The following NRXN3 variants were observed in gnomAD, a reference collection of about 807,000 sequenced individuals.
NRXN3 encodes the protein neurexin 3.
A neutral mutation model predicts 137.6 loss-of-function variants in NRXN3; 32 were observed. That is an observed-to-expected ratio of 0.23 (90% CI 0.18 to 0.31). The LOEUF is 0.31. Ranked by LOEUF, NRXN3 falls within the 10% of genes least tolerant of loss-of-function variation. The probability of loss-of-function intolerance (pLI) is 1.00; values close to 1 mark genes in which losing one functional copy is unlikely to be tolerated. For missense variants in NRXN3, 1,574 were observed against 2,062.5 expected (o/e 0.76, Z 4.59); for synonymous variants, 798 against 784.5 (o/e 1.02, Z -0.29).
chr14:79,157,102 G>C (rs2060320379), intron 15 of NRXN3, among the ~76,000 whole-genome samples: 1 of 151,790 alleles, frequency 6.6e-6, no homozygotes, highest in Admixed American at 6.6e-5. Context: ...TGGTGGTCAT[G>C]TTATTGTTGT....
chr14:79,426,189 CA>C (rs2153541734), intron 15 of NRXN3, among the ~76,000 whole-genome samples: 1 of 152,248 alleles, frequency 6.6e-6, no homozygotes, highest in East Asian at 1.9e-4. Flanking sequence ...ACAGTAGATG[CA>C]GCTGACAGTA....
At position 79,867,017 on chromosome 14, in the gene NRXN3, G is replaced by A. The variant is rs967425756; in HGVS notation, c.*5053G>A. ...CTGCCATTAATAATACAACTTTATA[G>A]CTTTACTATTTTTTCTTTTATTGTT... On this transcript the variant is annotated 3_prime_UTR_variant, in exon 21 of 21. Transcript: ENST00000335750. The A allele has an allele frequency of 2.6e-5, 4 of 152,172 alleles. No individual in the cohort carries two copies. The highest frequency in any genetic ancestry group is 1.3e-4 in the Admixed American group (2 of 15,274). The allele number at this position is 152,172 out of a possible 1,614,324, so 9.4% of individuals were successfully genotyped here.
chr14:79,192,405 G>A (rs545173583), intron 15 of NRXN3, among the ~76,000 whole-genome samples: 2 of 152,148 alleles, frequency 1.3e-5, no homozygotes, highest in South Asian at 4.1e-4. Flanking sequence ...ACCATCAGGA[G>A]GTGTAGGTAA....
At chr14:78,291,287 A>G (rs1329787767) in intron 3 of NRXN3, among the ~76,000 whole-genome samples, 1 of 152,202 alleles carries the variant, frequency 6.6e-6, no homozygotes, top group African/African-American at 2.4e-5. Context: ...TGTAAAATTA[A>G]TGGTATAGCA....
intron 4 of NRXN3, chr14:78,403,708 T>C: frequency 1.0e-6 from 1 of 985,132 alleles, no homozygotes; most frequent in Non-Finnish European, 1.2e-6. Flanking sequence ...CTGCACACTG[T>C]TGTAGGTGTT....
At chr14:78,595,909 A>G (rs547839319) in intron 4 of NRXN3, among the ~76,000 whole-genome samples, 1 of 152,310 alleles carries the variant, frequency 6.6e-6, no homozygotes, top group East Asian at 1.9e-4. Flanking sequence ...GGGTTAAACC[A>G]ACAGCAATTT....
intron 19 of NRXN3, among the ~76,000 whole-genome samples, chr14:79,754,531 T>G (rs1434424254): frequency 3.5e-5 from 3 of 86,688 alleles, no homozygotes; most frequent in East Asian, 6.4e-4. Context: ...TATATATATA[T>G]ATATATATAT....
chr14:78,316,561 G>A (rs573964646), intron 4 of NRXN3, among the ~76,000 whole-genome samples: 59 of 152,260 alleles, frequency 3.9e-4, no homozygotes, highest in Non-Finnish European at 7.1e-4. Flanking sequence ...GGAGGAGAAG[G>A]GAGCTGGGAG....
At chr14:78,289,480 TC>T (rs2075560303) in intron 3 of NRXN3, among the ~76,000 whole-genome samples, 1 of 152,198 alleles carries the variant, frequency 6.6e-6, no homozygotes, top group Non-Finnish European at 1.5e-5. Context: ...GGGAGGACTT[TC>T]TGGTAATTAT....
chr14:78,552,089 A>G (rs1261890051), intron 4 of NRXN3, among the ~76,000 whole-genome samples: 1 of 152,090 alleles, frequency 6.6e-6, no homozygotes, highest in Non-Finnish European at 1.5e-5. Flanking sequence ...GTGCCAGAAT[A>G]TATTTATTTT....
intron 16 of NRXN3, among the ~76,000 whole-genome samples, chr14:79,648,732 C>T (rs60325722): frequency 0.034 from 5,109 of 152,062 alleles, 266 homozygotes; most frequent in African/African-American, 0.12. Flanking sequence ...GGAGATGAGG[C>T]CAGTATGCAA....
At chr14:79,494,819 T>G (rs182421977) in intron 16 of NRXN3, among the ~76,000 whole-genome samples, 2 of 152,288 alleles carry the variant, frequency 1.3e-5, no homozygotes, top group East Asian at 3.9e-4. Context: ...TACAATACAA[T>G]TTGCTCAGAT....
chr14:79,658,753 T>C (rs2098518746), intron 16 of NRXN3, among the ~76,000 whole-genome samples: 1 of 152,186 alleles, frequency 6.6e-6, no homozygotes, highest in Admixed American at 6.5e-5. Flanking sequence ...TTGCCTTCCT[T>C]GTGTTCTTGC....
chr14:78,965,880 A>G (rs1018914119), intron 11 of NRXN3, 145 bp from the exon 12 acceptor site: 69 of 855,000 alleles, frequency 8.1e-5, no homozygotes, highest in Non-Finnish European at 1.2e-4. Context: ...GGTATCTACC[A>G]TATTGAATAT....
rs1597590045 is a variant in NRXN3, at chr14:78,347,195, G to T, written c.757+49335G>T. Among the ~76,000 whole-genome samples, 3 of 152,290 alleles carry T rather than the reference G, an allele frequency of 2.0e-5. 1 individual carries two copies. The highest frequency in any genetic ancestry group is 2.0e-4 in the Admixed American group (3 of 15,306). On this transcript the variant is annotated intron_variant, in intron 4 of 20. Transcript: ENST00000335750. ...TCCCTGATTGTAGCTTCTGTAGCAG[G>T]CAATGTTTTATGGGGACAATTTAAA...
intron 4 of NRXN3, among the ~76,000 whole-genome samples, chr14:78,614,646 T>C (rs142423731): frequency 6.6e-6 from 1 of 152,262 alleles, no homozygotes; most frequent in Non-Finnish European, 1.5e-5. Flanking sequence ...TTTTGCTATA[T>C]ATACACATAC....
At chr14:78,773,526 C>T (rs1441019140) in intron 8 of NRXN3, among the ~76,000 whole-genome samples, 1 of 152,180 alleles carries the variant, frequency 6.6e-6, no homozygotes, top group African/African-American at 2.4e-5. Flanking sequence ...TCAGCTCCCA[C>T]ACTCCCCTGC....
chr14:79,697,058 A>T (rs1271291889), intron 18 of NRXN3, among the ~76,000 whole-genome samples: 9 of 151,968 alleles, frequency 5.9e-5, no homozygotes, highest in African/African-American at 1.7e-4. Flanking sequence ...ACGTTTGGTG[A>T]CTAGAAATGA....
chr14:79,536,403 A>G (rs1349439367), intron 16 of NRXN3, among the ~76,000 whole-genome samples: 1 of 151,848 alleles, frequency 6.6e-6, no homozygotes, highest in Non-Finnish European at 1.5e-5. Context: ...GGGAACTCAG[A>G]TTTACATCTG....
Sources: gnomAD v4.1 joint callset for allele counts (sites outside exome capture counted in the v4.1 genomes callset) on GRCh38, gnomAD v4.1.1 for gene constraint, MANE v1.5 for transcripts, NCBI Gene and HGNC (gene_info 2026-07-23, HGNC 2026-07-21) for gene names.